The following LONP1 variants were observed in gnomAD, a reference collection of about 807,000 sequenced individuals.
LONP1 encodes the protein lon protease homolog, mitochondrial.
Under a neutral mutation model 98.5 loss-of-function variants are expected in LONP1, and 31 were observed. The observed-to-expected ratio is 0.31, with a 90% CI of 0.24 to 0.42. The LOEUF (loss-of-function observed/expected upper bound fraction) is 0.42. LONP1 is among the 20% of genes least tolerant of loss of function. The pLI is 1.00. For missense variants in LONP1, 1,336 were observed against 1,350.6 expected, an observed-to-expected ratio of 0.99 and a Z score of 0.17; for synonymous variants, 781 against 594.7, an observed-to-expected ratio of 1.31 and a Z score of -4.56.
intron 1 of LONP1, among the ~76,000 whole-genome samples, chr19:5,718,716 A>T (rs776813821): frequency 1.3e-5 from 2 of 151,688 alleles, no homozygotes; most frequent in Non-Finnish European, 1.5e-5. Flanking sequence ...TTTTTAAGGG[A>T]AGGGGAGCTG....
At chr19:5,708,877 A>C (rs529568058) in intron 4 of LONP1, 1 of 154,130 alleles carries the variant, frequency 6.5e-6, no homozygotes, top group Non-Finnish European at 1.4e-5. Flanking sequence ...GGCGGGCGTG[A>C]TGGCGGGCGC....
chr19:5,711,171 T>TC (rs1255960472), intron 4 of LONP1, among the ~76,000 whole-genome samples: 1 of 152,066 alleles, frequency 6.6e-6, no homozygotes, highest in African/African-American at 2.4e-5. Flanking sequence ...TCACAGCACT[T>TC]CCCCCTAGGC....
At chr19:5,709,907 C>CAAAAAAAAAAAAAAAAAAAAAA (rs755774542) in intron 4 of LONP1, among the ~76,000 whole-genome samples, 16 of 38,668 alleles carry the variant, frequency 4.1e-4, no homozygotes, top group Non-Finnish European at 5.5e-4. Flanking sequence ...GGCTCCATCT[C>CAAAAAAAAAAAAAAAAAAAAAA]AAAAAAAAAA....
At chr19:5,698,975 C>T (rs888831736) in intron 10 of LONP1, 52 bp downstream of exon 10, 46 of 1,524,558 alleles carry the variant, frequency 3.0e-5, no homozygotes, top group South Asian at 8.5e-5. Flanking sequence ...AGACGAAGCC[C>T]GGCAGCACAG....
intron 10 of LONP1, 67 bp downstream of exon 10, chr19:5,698,960 G>A (rs540651494): frequency 3.6e-5 from 54 of 1,484,754 alleles, no homozygotes; most frequent in African/African-American, 2.1e-4. Context: ...AAGGGTGACC[G>A]GAGAAGACGA....
intron 1 of LONP1, 150 bp downstream of exon 1, chr19:5,719,554 T>C (rs2055391130): frequency 1.4e-6 from 2 of 1,460,230 alleles, no homozygotes; most frequent in African/African-American, 1.4e-5. Flanking sequence ...CCCAAGCTAG[T>C]GGTGAGCAGA....
At chr19:5,696,796 C>T (rs1221164383) in intron 10 of LONP1, 39 bp from the exon 11 acceptor site, 2 of 1,449,614 alleles carry the variant, frequency 1.4e-6, no homozygotes, top group South Asian at 1.2e-5. Flanking sequence ...ACTTGGTAGC[C>T]TGGCTCGGCC....
In LONP1 at chr19:5,699,118, T is replaced by G; in HGVS notation, c.1594A>C (p.Ile532Leu). Reference sequence around the variant, plus strand: ...AGGGCGCGGGCGATGGAGCGAGCAATGCTGGTCTTACCCACGCCAGGGGGG... The same window carrying G: ...AGGGCGCGGGCGATGGAGCGAGCAAGGCTGGTCTTACCCACGCCAGGGGGG... ...YGPPGVGKTS[I>L]ARSIARALNR... Residue 532 changes from isoleucine to leucine, a missense_variant, in exon 10 of 18, where the codon ATT (isoleucine) becomes CTT (leucine). Physicochemically the swap from Ile to Leu is conservative, Grantham distance 5. Coordinates refer to ENST00000360614, the MANE Select transcript of LONP1 (RefSeq NM_004793.4). 1.3e-6 allele frequency: 2 copies of G among 1,592,626 alleles called. No individual in the cohort carries two copies. Among genetic ancestry groups the G allele is most frequent in the Non-Finnish European group, 1.7e-6 (2 of 1,165,908 alleles).
chr19:5,719,574 G>C (rs2055391827), intron 1 of LONP1, 130 bp downstream of exon 1: 3 of 1,512,492 alleles, frequency 2.0e-6, no homozygotes, highest in Non-Finnish European at 2.7e-6. Flanking sequence ...ACAAGGATTC[G>C]AACTGCACCC....
chr19:5,712,117 G>T, intron 3 of LONP1, 115 bp from the exon 4 acceptor site: 2 of 812,230 alleles, frequency 2.5e-6, no homozygotes, highest in Non-Finnish European at 1.9e-6. Context: ...CAGACCTCTG[G>T]AGCCACAGGG....
Position 5,714,618 on chromosome 19 carries a change from C to CTT in LONP1, c.430-349_430-348dup, listed in dbSNP as rs369231779. Among the ~76,000 whole-genome samples the CTT allele has an allele frequency of 3.0e-3, 382 of 127,842 alleles. 1 individual carries two copies. The highest frequency in any genetic ancestry group is 3.3e-3 in the Non-Finnish European group (205 of 62,228). The allele number at this position is 127,842 out of a possible 152,430, so 83.9% of individuals were successfully genotyped here. ...CCAAACGCAGCACAGGGTAGCTTTT[C>CTT]TTTTTTTTTTTTTTTTCTGAGACGG... On this transcript the variant is annotated intron_variant, in intron 1 of 17. Coordinates refer to ENST00000360614, the MANE Select transcript of LONP1 (RefSeq NM_004793.4).
chr19:5,703,539 G>A (rs1302305383), intron 8 of LONP1, among the ~76,000 whole-genome samples: 2 of 152,046 alleles, frequency 1.3e-5, no homozygotes, highest in African/African-American at 4.8e-5. Context: ...CAGGATTGGG[G>A]AAGAGGATGA....
chr19:5,694,367 T>C lies in LONP1; in HGVS notation c.2320+20A>G. 6.2e-7 allele frequency: 1 copy of C among 1,609,404 alleles called. No homozygotes were observed. The highest frequency in any genetic ancestry group is 1.1e-5 in the South Asian group (1 of 91,010). On this transcript the variant is annotated intron_variant, in intron 15 of 17. Transcript: ENST00000360614. The stretch of plus-strand genomic sequence containing the variant: ...AGAAATGGGAATGGCTTTGGGGTCT[T>C]CTCCCGCCACCACGCTCACCCATTG...
rs916309609 is a variant in LONP1 at position 5,698,338 on chromosome 19, C to T, written c.1685+689G>A. On this transcript the variant is annotated intron_variant, in intron 10 of 17. Transcript: ENST00000360614. ...GTGAATGCCTTGCAGGATGGAAACA[C>T]GTGGTGGACTCAGCAGATGCCTCAC... is the stretch of plus-strand genomic sequence containing the variant. Among the ~76,000 whole-genome samples, 11 of 152,206 alleles carry T rather than the reference C, an allele frequency of 7.2e-5. No individual in the cohort carries two copies. The East Asian group carries it at 1.7e-3, about 24-fold the overall frequency.
chr19:5,707,992 G>A (rs1365827304), intron 5 of LONP1, 166 bp from the exon 6 acceptor site: 1 of 775,780 alleles, frequency 1.3e-6, no homozygotes, highest in Non-Finnish European at 2.0e-6. Flanking sequence ...CCAGAGTTCA[G>A]GGCCCACCCG....
intron 8 of LONP1, among the ~76,000 whole-genome samples, chr19:5,701,721 T>G (rs1258738322): frequency 6.6e-6 from 1 of 152,116 alleles, no homozygotes; most frequent in Non-Finnish European, 1.5e-5. Flanking sequence ...CCTCCCAAAG[T>G]GCCGAGATTG....
rs573443177 is a variant in LONP1 at position 5,702,321 on chromosome 19, C to T, written c.1368-1394G>A. 5.0e-4 allele frequency among the ~76,000 whole-genome samples: 74 copies of T among 147,430 alleles called. 1 individual carries two copies. Among genetic ancestry groups the T allele is most frequent in the Admixed American group, 2.0e-4 (3 of 14,808 alleles). On this transcript the variant is annotated intron_variant, in intron 8 of 17. Coordinates refer to ENST00000360614, the MANE Select transcript of LONP1 (RefSeq NM_004793.4). ...GAGGGAGGTGGAGGCGTCAGCCCCC[C>T]GCCCAGCCAGCCGCCCCGTCCGGGA...
chr19:5,691,916 T>C lies in LONP1; in HGVS notation c.*116A>G. 1 of 1,205,434 alleles carries C rather than the reference T, an allele frequency of 8.3e-7. No homozygotes were observed. The highest frequency in any genetic ancestry group is 1.1e-6 in the Non-Finnish European group (1 of 870,080). 74.7% of individuals were successfully genotyped at this position (1,205,434 alleles called of 1,614,324 possible). On this transcript the variant is annotated 3_prime_UTR_variant, in exon 18 of 18. Coordinates refer to ENST00000360614, the MANE Select transcript of LONP1 (RefSeq NM_004793.4). ...CTGAGGTCCCTGGGATCTGGGTCAC[T>C]GGACCGAGCTGCTCGCTCGGTGGCT...
At chr19:5,707,644 T>C (rs1022127980) in intron 6 of LONP1, 53 bp downstream of exon 6, 2 of 1,575,286 alleles carry the variant, frequency 1.3e-6, no homozygotes, top group East Asian at 2.3e-5. Context: ...CGGAGCATAG[T>C]GGAGGTGGGG....
Sources: allele counts gnomAD v4.1 joint callset (sites outside exome capture counted in the v4.1 genomes callset), GRCh38; gene constraint gnomAD v4.1.1; transcripts MANE v1.5; gene names NCBI Gene and HGNC (gene_info 2026-07-23, HGNC 2026-07-21).